Variants in ANKRD55 observed in about 807,000 individuals in gnomAD.
The protein encoded by ANKRD55 is ankyrin repeat domain-containing protein 55.
In ANKRD55, 41 loss-of-function variants were observed where a neutral mutation model predicts 60.6. The ratio of observed to expected loss-of-function variants is 0.68; its 90% CI spans 0.53 to 0.88. The LOEUF (loss-of-function observed/expected upper bound fraction) is 0.88, where lower values mean the gene tolerates loss of function less well. Ranked by LOEUF, ANKRD55 falls within the 40% of genes least tolerant of loss-of-function variation. ANKRD55 has a pLI of 0.00. For synonymous variants in ANKRD55, 264 were observed against 290.3 expected (o/e 0.91, Z 0.92); for missense variants, 732 against 767.6 (o/e 0.95, Z 0.55).
At chr5:56,184,270 A>G (rs1758918112) in intron 2 of ANKRD55, among the ~76,000 whole-genome samples, 1 of 152,136 alleles carries the variant, frequency 6.6e-6, no homozygotes, top group Non-Finnish European at 1.5e-5. Flanking sequence ...TCCCAACAGG[A>G]GGCTCTTTCT....
chr5:56,161,363 A>T lies in ANKRD55; in HGVS notation c.423-1470T>A, dbSNP rs79772752. On this transcript the variant is annotated intron_variant, in intron 5 of 11. Transcript: ENST00000341048. Reference sequence around the variant, plus strand: ...TAGTGTATGGGCAGTCAATGGAGGAAATTCAGAAATTGCTTTTGGAAGAAT... The same window carrying T: ...TAGTGTATGGGCAGTCAATGGAGGATATTCAGAAATTGCTTTTGGAAGAAT... Among the ~76,000 whole-genome samples the T allele has an allele frequency of 2.4e-3, 373 of 152,366 alleles. 14 individuals are homozygous for T. In the East Asian group the frequency reaches 0.059, roughly 24 times the overall value.
In ANKRD55 at chr5:56,100,204, GTTGGCAGAA is replaced by G; in HGVS notation, c.1815_1823del (p.Ser606_Asn608del). On this transcript the variant is annotated inframe_deletion, in exon 12 of 12. Transcript: ENST00000341048. ...ACAGTTAATTTTCATCACTGGTGGGGTTGGCAGAATGTTCACTCTCTTCTGCTGCTGTGC... is the reference window on the plus strand; with the variant it reads ...ACAGTTAATTTTCATCACTGGTGGGGTGTTCACTCTCTTCTGCTGCTGTGC... The G allele has an allele frequency of 6.2e-7, 1 of 1,614,190 alleles. No homozygotes were observed. The highest frequency in any genetic ancestry group is 8.5e-7 in the Non-Finnish European group (1 of 1,180,032).
chr5:56,115,277 G>T (rs1351099542), intron 9 of ANKRD55, among the ~76,000 whole-genome samples: 1 of 150,370 alleles, frequency 6.7e-6, no homozygotes, highest in African/African-American at 2.4e-5. Context: ...ACATTACATC[G>T]CAACAGAGAG....
At chr5:56,186,242 A>G (rs1358971166) in intron 2 of ANKRD55, among the ~76,000 whole-genome samples, 1 of 152,152 alleles carries the variant, frequency 6.6e-6, no homozygotes, top group Non-Finnish European at 1.5e-5. Context: ...ATCTTGGCTC[A>G]CTGCAGCCTT....
At chr5:56,193,107 A>G in intron 2 of ANKRD55, 1 of 698,698 alleles carries the variant, frequency 1.4e-6, no homozygotes, top group South Asian at 1.7e-5. Flanking sequence ...TCAAAATATG[A>G]TTCTAAAGAA....
intron 5 of ANKRD55, among the ~76,000 whole-genome samples, chr5:56,164,197 G>T (rs1758396628): frequency 6.6e-6 from 1 of 152,084 alleles, no homozygotes; most frequent in Non-Finnish European, 1.5e-5. Flanking sequence ...TAGGTGAATG[G>T]TGGGTCTCAG....
At chr5:56,209,552 C>T (rs1205360145) in intron 2 of ANKRD55, among the ~76,000 whole-genome samples, 2 of 151,776 alleles carry the variant, frequency 1.3e-5, no homozygotes, top group Non-Finnish European at 2.9e-5. Flanking sequence ...CTGCAAGCTC[C>T]GCCTCCTGGG....
intron 5 of ANKRD55, 141 bp downstream of exon 5, chr5:56,170,553 C>A: frequency 1.6e-6 from 1 of 618,880 alleles, no homozygotes; most frequent in Non-Finnish European, 2.8e-6. Flanking sequence ...TTGTTGTGGT[C>A]CTATCTGCTG....
chr5:56,150,438 T>C (rs899204878), intron 6 of ANKRD55, among the ~76,000 whole-genome samples: 4 of 37,858 alleles, frequency 1.1e-4, no homozygotes, highest in African/African-American at 4.0e-4. Context: ...ACTCTGCCTC[T>C]ACAGAAAAAA....
intron 2 of ANKRD55, among the ~76,000 whole-genome samples, chr5:56,199,000 A>C (rs1005183471): frequency 2.6e-5 from 4 of 152,096 alleles, no homozygotes; most frequent in African/African-American, 9.7e-5. Context: ...GAATGGTGTG[A>C]AGCCGGGTGG....
intron 2 of ANKRD55, among the ~76,000 whole-genome samples, chr5:56,184,218 C>T (rs1424848070): frequency 6.6e-6 from 1 of 152,230 alleles, no homozygotes; most frequent in Non-Finnish European, 1.5e-5. Context: ...GACATTTCTT[C>T]CTGCCTTCCC....
At chr5:56,110,870 A>G (rs1210380034) in intron 10 of ANKRD55, among the ~76,000 whole-genome samples, 1 of 152,128 alleles carries the variant, frequency 6.6e-6, no homozygotes, top group African/African-American at 2.4e-5. Context: ...TACCACACAT[A>G]TTTGCTGGGG....
intron 4 of ANKRD55, among the ~76,000 whole-genome samples, chr5:56,171,190 A>C (rs562500669): frequency 6.6e-6 from 1 of 152,312 alleles, no homozygotes; most frequent in African/African-American, 2.4e-5. Context: ...TATTCAGGTC[A>C]GTCCCCCTCC....
rs1027964168 is a variant in ANKRD55 at position 56,099,903 on chromosome 5, C to A, written c.*280G>T. ...ACAGTGCACATGCCACAAAGCAAAC[C>A]AAACATAGCTCAGTTTTCCTACTGA... On this transcript the variant is annotated 3_prime_UTR_variant, in exon 12 of 12. Coordinates refer to ENST00000341048, the MANE Select transcript of ANKRD55 (RefSeq NM_024669.3). 7 of 314,070 alleles carry A rather than the reference C, an allele frequency of 2.2e-5. 1 individual carries two copies. The highest frequency in any genetic ancestry group is 6.1e-5 in the East Asian group (1 of 16,400). The allele number at this position is 314,070 out of a possible 1,614,324, so 19.5% of individuals were successfully genotyped here.
chr5:56,212,049 GACACACACACACACAC>G (rs200349739), intron 2 of ANKRD55, among the ~76,000 whole-genome samples: 1 of 130,222 alleles, frequency 7.7e-6, no homozygotes, highest in East Asian at 2.3e-4. Flanking sequence ...AACTGGTAAA[GACACACACACACACAC>G]ACACACACAC....
chr5:56,223,419 T>C (rs892995365), intron 2 of ANKRD55, among the ~76,000 whole-genome samples: 2 of 152,192 alleles, frequency 1.3e-5, no homozygotes, highest in Non-Finnish European at 2.9e-5. Flanking sequence ...GTAAAGACCA[T>C]TGATGCTAGG....
intron 2 of ANKRD55, among the ~76,000 whole-genome samples, chr5:56,224,559 T>G (rs1760056364): frequency 6.6e-6 from 1 of 152,072 alleles, no homozygotes; most frequent in African/African-American, 2.4e-5. Flanking sequence ...GCCGCTTTTT[T>G]GAAAAGATCA....
chr5:56,213,774 C>A (rs1413213466), intron 2 of ANKRD55, among the ~76,000 whole-genome samples: 5 of 152,170 alleles, frequency 3.3e-5, no homozygotes, highest in Non-Finnish European at 5.9e-5. Flanking sequence ...GCAGGGAAAG[C>A]AGAAGCACTG....
At chr5:56,134,128 C>T (rs1302617070) in intron 7 of ANKRD55, among the ~76,000 whole-genome samples, 1 of 114,244 alleles carries the variant, frequency 8.8e-6, no homozygotes. Flanking sequence ...ACTACAGATC[C>T]CATGGACATT....
Sources: gnomAD v4.1 joint callset for allele counts (sites outside exome capture counted in the v4.1 genomes callset) on GRCh38, gnomAD v4.1.1 for gene constraint, MANE v1.5 for transcripts, NCBI Gene and HGNC (gene_info 2026-07-23, HGNC 2026-07-21) for gene names.